The following SMARCAL1 variants were observed in gnomAD, a reference collection of about 807,000 sequenced individuals.
The protein encoded by SMARCAL1 is SNF2 related chromatin remodeling annealing helicase 1.
A neutral mutation model predicts 94.5 loss-of-function variants in SMARCAL1; 58 were observed. That is an observed-to-expected ratio of 0.61 (90% CI 0.50 to 0.76). The LOEUF (loss-of-function observed/expected upper bound fraction) is 0.76. Among genes scored for constraint, SMARCAL1 ranks in the 30% least tolerant of loss-of-function variants. The probability of loss-of-function intolerance (pLI) is 0.00; values close to 1 mark genes in which losing one functional copy is unlikely to be tolerated. For synonymous variants in SMARCAL1, 422 were observed against 455.1 expected (o/e 0.93, Z 0.93); for missense variants, 1,051 against 1,177.9 (o/e 0.89, Z 1.58).
chr2:216,422,103 G>C (rs1271513703), intron 5 of SMARCAL1, among the ~76,000 whole-genome samples: 1 of 152,092 alleles, frequency 6.6e-6, no homozygotes, highest in Non-Finnish European at 1.5e-5. Context: ...AGGCAACTAC[G>C]GGCCGGGTGT....
At chr2:216,452,690 A>G (rs1694475685) in intron 12 of SMARCAL1, among the ~76,000 whole-genome samples, 1 of 152,136 alleles carries the variant, frequency 6.6e-6, no homozygotes, top group Admixed American at 6.5e-5. Flanking sequence ...ACTTGTTGAA[A>G]CACAACTGTG....
At position 216,432,700 on chromosome 2, in the gene SMARCAL1, C is replaced by T. The variant is rs1693992070; in HGVS notation, c.1335-18C>T. ...CATGCCCCGGGAAATGTGCCATCCT[C>T]ACCTTGTCTGCCTTCAGTTTTGCCA... On this transcript the variant is annotated intron_variant, in intron 7 of 17. Transcript: ENST00000357276. 3 of 1,614,108 alleles carry T rather than the reference C, an allele frequency of 1.9e-6. No homozygotes were observed. Among genetic ancestry groups the T allele is most frequent in the South Asian group, 1.1e-5 (1 of 91,076 alleles).
chr2:216,479,861 G>A (rs1695160181), intron 17 of SMARCAL1, among the ~76,000 whole-genome samples: 1 of 152,044 alleles, frequency 6.6e-6, no homozygotes, highest in African/African-American at 2.4e-5. Flanking sequence ...GACCAGCCTG[G>A]GCAACATGGT....
chr2:216,430,793 G>A (rs1399285141), intron 7 of SMARCAL1, among the ~76,000 whole-genome samples: 1 of 152,214 alleles, frequency 6.6e-6, no homozygotes, highest in Non-Finnish European at 1.5e-5. Flanking sequence ...GCTCTCCATG[G>A]ATTCCGTTGC....
At chr2:216,476,816 T>G (rs900562560) in intron 15 of SMARCAL1, among the ~76,000 whole-genome samples, 2 of 152,210 alleles carry the variant, frequency 1.3e-5, no homozygotes, top group African/African-American at 4.8e-5. Flanking sequence ...GCCTCTTCAT[T>G]TGCAGCACCT....
At chr2:216,459,881 C>G (rs1294580311) in intron 12 of SMARCAL1, among the ~76,000 whole-genome samples, 2 of 152,066 alleles carry the variant, frequency 1.3e-5, no homozygotes, top group Non-Finnish European at 2.9e-5. Flanking sequence ...AAGAAACTAC[C>G]ATCAGAGTGA....
intron 10 of SMARCAL1, among the ~76,000 whole-genome samples, chr2:216,439,147 C>A (rs781620891): frequency 6.6e-6 from 1 of 152,002 alleles, no homozygotes; most frequent in African/African-American, 2.4e-5. Flanking sequence ...AGTGCTTTGG[C>A]GGGTGTGAGT....
At chr2:216,473,095 A>T (rs573626672) in intron 14 of SMARCAL1, among the ~76,000 whole-genome samples, 2 of 152,152 alleles carry the variant, frequency 1.3e-5, no homozygotes, top group Non-Finnish European at 1.5e-5. Context: ...GATAGGAAAC[A>T]TATCTGCCAC....
chr2:216,424,454 C>G (rs1321843918), intron 6 of SMARCAL1, among the ~76,000 whole-genome samples: 1 of 152,198 alleles, frequency 6.6e-6, no homozygotes, highest in Non-Finnish European at 1.5e-5. Context: ...TCCTGATGGC[C>G]TGTTGGGCCT....
In SMARCAL1 at chr2:216,435,239, AG is replaced by A. The variant is rs1694056029; in HGVS notation, c.1486-97del. 4 of 1,246,514 alleles carry A rather than the reference AG, an allele frequency of 3.2e-6. No homozygotes were observed. The East Asian group carries it at 7.0e-5, about 22-fold the overall frequency. The allele number at this position is 1,246,514 out of a possible 1,614,324, so 77.2% of individuals were successfully genotyped here. On this transcript the variant is annotated intron_variant, in intron 8 of 17. Transcript: ENST00000357276. ...GCACAGGTAGGTGAGAGGAAGGTAG[AG>A]GTGATGGCTGTTGATGGGCATGAGA...
At chr2:216,444,645 A>C (rs1256767339) in intron 10 of SMARCAL1, among the ~76,000 whole-genome samples, 1 of 152,120 alleles carries the variant, frequency 6.6e-6, no homozygotes, top group African/African-American at 2.4e-5. Context: ...CAGCCTCCTG[A>C]GTAGTGGGAT....
At chr2:216,438,228 A>C in intron 9 of SMARCAL1, among the ~76,000 whole-genome samples, 192 bp from the exon 10 acceptor site, 1 of 152,238 alleles carries the variant, frequency 6.6e-6, no homozygotes. Context: ...CAACTTGCTC[A>C]GAATGCAGTA....
Position 216,430,284 on chromosome 2 carries a change from A to ATGTTT in SMARCAL1, c.1334+1514_1334+1518dup, listed in dbSNP as rs747836591. ...TTGGGGGAGGAGGGCTGTCAATTCT[A>ATGTTT]TGTTTTGTTTTGTTTTCTTTAATGC... On this transcript the variant is annotated intron_variant, in intron 7 of 17. Transcript: ENST00000357276. 7.2e-5 allele frequency among the ~76,000 whole-genome samples: 11 copies of ATGTTT among 152,252 alleles called. No individual in the cohort carries two copies. The East Asian group carries it at 1.7e-3, about 24-fold the overall frequency.
At chr2:216,439,496 CA>C (rs552532392) in intron 10 of SMARCAL1, among the ~76,000 whole-genome samples, 140 of 152,286 alleles carry the variant, frequency 9.2e-4, no homozygotes, top group Non-Finnish European at 1.9e-3. Flanking sequence ...TTCTTGTGCT[CA>C]AAGCAACCTT....
At chr2:216,463,843 G>A (rs149641289) in intron 12 of SMARCAL1, among the ~76,000 whole-genome samples, 2,213 of 152,248 alleles carry the variant, frequency 0.015, 63 homozygotes, top group African/African-American at 0.051. Flanking sequence ...AGAAGTTCGA[G>A]ACCAGCCTGG....
chr2:216,422,427 C>T (rs574355340), intron 5 of SMARCAL1, among the ~76,000 whole-genome samples: 8 of 152,132 alleles, frequency 5.3e-5, no homozygotes, highest in Non-Finnish European at 1.5e-5. Context: ...AGATCACACT[C>T]CTGACATGGT....
chr2:216,430,626 G>A lies in SMARCAL1; in HGVS notation c.1334+1844G>A, dbSNP rs140562615. Among the ~76,000 whole-genome samples, 1,234 of 152,158 alleles carry A rather than the reference G, an allele frequency of 8.1e-3. 11 individuals are homozygous for A. Among genetic ancestry groups the A allele is most frequent in the Non-Finnish European group, 0.012 (787 of 67,990 alleles). Reference sequence around the variant, plus strand: ...TTTGTTGTCATTTTTTGGCCACTTTGTTCCTTAGTTGGGCTCCCTCTAGGC... The same window carrying A: ...TTTGTTGTCATTTTTTGGCCACTTTATTCCTTAGTTGGGCTCCCTCTAGGC... On this transcript the variant is annotated intron_variant, in intron 7 of 17. Transcript: ENST00000357276.
chr2:216,432,568 C>A, intron 7 of SMARCAL1, 150 bp from the exon 8 acceptor site: 2 of 863,516 alleles, frequency 2.3e-6, no homozygotes, highest in South Asian at 1.4e-5. Context: ...GGCCTATGTA[C>A]CTTTCCTTCT....
Position 216,482,353 on chromosome 2 carries a change from AC to A in SMARCAL1, c.2626-384del, listed in dbSNP as rs1046209139. Among the ~76,000 whole-genome samples the A allele has an allele frequency of 6.6e-6, 1 of 152,178 alleles. No individual in the cohort carries two copies. Among genetic ancestry groups the A allele is most frequent in the African/African-American group, 2.4e-5 (1 of 41,446 alleles). On this transcript the variant is annotated intron_variant, in intron 17 of 17. Transcript: ENST00000357276. The surrounding 1 kb of genome is among the most constrained non-coding windows in gnomAD (Gnocchi z 4.3). ...GATTTAGAAGTTGAATTATACCTTA[AC>A]TGACCCTTAGTAGAGAAAGGCTTTG...
Sources: allele counts gnomAD v4.1 joint callset (sites outside exome capture counted in the v4.1 genomes callset), GRCh38; gene constraint gnomAD v4.1.1; non-coding constraint Gnocchi (gnomAD v3.1); transcripts MANE v1.5; gene names NCBI Gene and HGNC (gene_info 2026-07-23, HGNC 2026-07-21).